Variants in BPTF observed in about 807,000 individuals in gnomAD.
The protein encoded by BPTF is bromodomain PHD finger transcription factor.
Under a neutral mutation model 292.5 loss-of-function variants are expected in BPTF, and 18 were observed. The observed-to-expected ratio is 0.06, with a 90% CI of 0.04 to 0.09. BPTF has a LOEUF of 0.09. Among genes scored for constraint, BPTF ranks in the 10% least tolerant of loss-of-function variants. BPTF has a pLI of 1.00. For synonymous variants in BPTF, 1,225 were observed against 1,251.9 expected (o/e 0.98, Z 0.45); for missense variants, 2,726 against 3,498.7 (o/e 0.78, Z 5.57).
intron 4 of BPTF, among the ~76,000 whole-genome samples, chr17:67,890,136 C>CA (rs1231001146): frequency 1.3e-5 from 2 of 152,132 alleles, no homozygotes; most frequent in Non-Finnish European, 2.9e-5. Flanking sequence ...ATTTTGGAGT[C>CA]AAAATCTTAA....
intron 9 of BPTF, among the ~76,000 whole-genome samples, chr17:67,907,186 A>AG (rs1246798429): frequency 1.2e-5 from 1 of 85,144 alleles, no homozygotes; most frequent in Non-Finnish European, 2.5e-5. Context: ...CACTGTCTCC[A>AG]AAAAAAAAAA....
chr17:67,863,484 C>A (rs1462426229), intron 2 of BPTF, among the ~76,000 whole-genome samples: 5 of 152,162 alleles, frequency 3.3e-5, no homozygotes, highest in Admixed American at 6.5e-5. Flanking sequence ...TGGGGTTTCA[C>A]CATGTTGGCC....
chr17:67,965,143 C>T (rs2148412917), intron 25 of BPTF: 2 of 150,668 alleles, frequency 1.3e-5, no homozygotes, highest in East Asian at 4.0e-4. Context: ...AGTTCGAGAC[C>T]AGACTGGCCA....
intron 23 of BPTF, among the ~76,000 whole-genome samples, chr17:67,952,782 G>A (rs1158422579): frequency 6.6e-6 from 1 of 152,062 alleles, no homozygotes; most frequent in Non-Finnish European, 1.5e-5. Flanking sequence ...CTAATGTAAC[G>A]TATTCATCAT....
At chr17:67,894,363 C>T (rs768671988) in intron 7 of BPTF, among the ~76,000 whole-genome samples, 198 bp downstream of exon 7, 1 of 151,932 alleles carries the variant, frequency 6.6e-6, no homozygotes, top group Non-Finnish European at 1.5e-5. Flanking sequence ...GAGTCTTGCA[C>T]TGTTGCCCAG....
intron 7 of BPTF, among the ~76,000 whole-genome samples, chr17:67,898,825 G>A (rs915737999): frequency 6.7e-6 from 1 of 150,208 alleles, no homozygotes; most frequent in Non-Finnish European, 1.5e-5. Flanking sequence ...GGGCAACCAC[G>A]TCAGGAGAAT....
rs1283641536 is a variant in BPTF, at chr17:67,959,046, TAGG to T, written c.7927-492_7927-490del. 4.6e-5 allele frequency among the ~76,000 whole-genome samples: 7 copies of T among 152,336 alleles called. No homozygotes were observed. In the South Asian group the frequency reaches 8.3e-4, roughly 18 times the overall value. ...TCCCTGCAGTCTGAAATTCTAGACATAGGAGCATCATAATAAATAAGGCAAATC... is the reference window on the plus strand; with the variant it reads ...TCCCTGCAGTCTGAAATTCTAGACATAGCATCATAATAAATAAGGCAAATC... On this transcript the variant is annotated intron_variant, in intron 23 of 27. Transcript: ENST00000306378.
At chr17:67,945,365 T>C in intron 20 of BPTF, 44 bp from the exon 21 acceptor site, 3 of 1,557,162 alleles carry the variant, frequency 1.9e-6, no homozygotes, top group Non-Finnish European at 2.6e-6. Context: ...ACCACAGTTT[T>C]ATGTTCCAGA....
chr17:67,959,626 C>T lies in BPTF; in HGVS notation c.8012C>T (p.Pro2671Leu). ...AQATAVAAPC[P>L]PVTPAPPAPP... is the part of the protein sequence containing the mutation. ...GCCACAGCAGTAGCTGCACCCTGCC[C>T]CCCAGTGACACCAGCTCCTCCAGCC... The change falls in exon 24 of 28, where the codon CCC (proline) becomes CTC (leucine). Residue 2671 changes from proline (P) to leucine (L), a missense_variant. Pro to Leu is a moderately conservative substitution (Grantham distance 98, BLOSUM62 -3). Coordinates refer to ENST00000306378, the MANE Select transcript of BPTF (RefSeq NM_182641.4). The T allele has an allele frequency of 3.1e-6, 5 of 1,597,656 alleles. No homozygotes were observed. Among genetic ancestry groups the T allele is most frequent in the Non-Finnish European group, 3.4e-6 (4 of 1,174,222 alleles).
chr17:67,913,288 C>T (rs1329425851), intron 11 of BPTF, 101 bp downstream of exon 11: 2 of 1,448,718 alleles, frequency 1.4e-6, no homozygotes, highest in Non-Finnish European at 1.8e-6. Context: ...AGAGATAAGA[C>T]AGGAAACATA....
chr17:67,857,686 C>T (rs776423692), intron 2 of BPTF, among the ~76,000 whole-genome samples: 4 of 151,504 alleles, frequency 2.6e-5, no homozygotes, highest in African/African-American at 4.9e-5. Context: ...AGGCTGATCT[C>T]GAACTTGTGA....
intron 18 of BPTF, among the ~76,000 whole-genome samples, chr17:67,937,848 C>T (rs1284439374): frequency 6.6e-5 from 10 of 152,314 alleles, no homozygotes; most frequent in Admixed American, 5.2e-4. Context: ...GGTACAGTGG[C>T]TCATGCCTGT....
intron 1 of BPTF, among the ~76,000 whole-genome samples, chr17:67,842,965 G>C (rs886747661): frequency 6.6e-6 from 1 of 151,566 alleles, no homozygotes; most frequent in African/African-American, 2.4e-5. Context: ...CAACAGAAAT[G>C]GTATCTGGGA....
chr17:67,925,080 A>G (rs903855718), intron 15 of BPTF, among the ~76,000 whole-genome samples: 3 of 124,868 alleles, frequency 2.4e-5, no homozygotes, highest in African/African-American at 9.2e-5. Flanking sequence ...TTTTAAGTGT[A>G]TCTCACGTCT....
intron 2 of BPTF, among the ~76,000 whole-genome samples, chr17:67,860,153 T>A (rs962890802): frequency 1.3e-5 from 2 of 152,226 alleles, no homozygotes; most frequent in Non-Finnish European, 2.9e-5. Flanking sequence ...TTTTCCATGC[T>A]GTGATATTTT....
chr17:67,909,152 C>A (rs2062463277), intron 9 of BPTF, among the ~76,000 whole-genome samples: 1 of 149,926 alleles, frequency 6.7e-6, no homozygotes, highest in South Asian at 2.1e-4. Context: ...TAATGTTTAT[C>A]TTGTAGCTGA....
At chr17:67,956,395 G>A (rs2066945857) in intron 23 of BPTF, 1 of 150,868 alleles carries the variant, frequency 6.6e-6, no homozygotes, top group Admixed American at 6.6e-5. Context: ...ATAGCTCACT[G>A]AAGTCTTGAC....
At chr17:67,881,788 AC>A (rs1437269894) in intron 4 of BPTF, among the ~76,000 whole-genome samples, 4 of 147,198 alleles carry the variant, frequency 2.7e-5, no homozygotes, top group Non-Finnish European at 5.9e-5. Flanking sequence ...GGTGTGAGCC[AC>A]CCACCTGGCC....
At chr17:67,878,515 A>C (rs1007445120) in intron 4 of BPTF, among the ~76,000 whole-genome samples, 5 of 152,126 alleles carry the variant, frequency 3.3e-5, no homozygotes, top group African/African-American at 1.2e-4. Flanking sequence ...AGTGTATGAG[A>C]GTTCTAGCTC....
Sources: gnomAD v4.1 joint callset for allele counts (sites outside exome capture counted in the v4.1 genomes callset) on GRCh38, gnomAD v4.1.1 for gene constraint, MANE v1.5 for transcripts, NCBI Gene and HGNC (gene_info 2026-07-23, HGNC 2026-07-21) for gene names.